CRACD: variants seen among roughly 807,000 people sequenced by gnomAD.
The protein encoded by CRACD is capping protein inhibiting regulator of actin dynamics.
CRACD carries 56 observed loss-of-function variants against 106.8 expected under a neutral mutation model. That is an observed-to-expected ratio of 0.52 (90% confidence interval 0.42 to 0.66). The LOEUF is 0.66. CRACD is among the 30% of genes least tolerant of loss of function. The pLI, the probability that CRACD is intolerant of heterozygous loss-of-function variation, is 0.00. For synonymous variants in CRACD, 754 were observed against 670.8 expected (o/e 1.12, Z -1.92); for missense variants, 1,730 against 1,623.2 (o/e 1.07, Z -1.13).
chr4:56,096,631 TA>T (rs34745267), intron 1 of CRACD, among the ~76,000 whole-genome samples: 70 of 146,210 alleles, frequency 4.8e-4, no homozygotes, highest in Admixed American at 5.5e-4. Flanking sequence ...GACCTTGTCT[TA>T]AAAAAAAAAA....
intron 2 of CRACD, among the ~76,000 whole-genome samples, chr4:56,220,378 C>G (rs1292711410): frequency 6.6e-6 from 1 of 152,208 alleles, no homozygotes; most frequent in Non-Finnish European, 1.5e-5. Context: ...GAACTTCACT[C>G]TGCTCACTAG....
At chr4:56,061,773 A>G (rs1487142374) in intron 1 of CRACD, among the ~76,000 whole-genome samples, 1 of 152,226 alleles carries the variant, frequency 6.6e-6, no homozygotes, top group African/African-American at 2.4e-5. Flanking sequence ...AGAGTAGCCC[A>G]GAGTGCTTTG....
At chr4:56,133,515 G>C (rs1192370288) in intron 1 of CRACD, among the ~76,000 whole-genome samples, 5 of 152,182 alleles carry the variant, frequency 3.3e-5, no homozygotes, top group Admixed American at 6.5e-5. Flanking sequence ...ATGTGTAAGA[G>C]AAAGTATTAC....
intron 1 of CRACD, among the ~76,000 whole-genome samples, chr4:56,149,171 A>G (rs748779613): frequency 6.6e-6 from 1 of 152,158 alleles, no homozygotes; most frequent in Non-Finnish European, 1.5e-5. Context: ...CATGGCAAGA[A>G]TGAAACAGTG....
At chr4:56,301,781 T>C (rs771419960) in intron 4 of CRACD, among the ~76,000 whole-genome samples, 3 of 151,990 alleles carry the variant, frequency 2.0e-5, no homozygotes. Context: ...TCCCCTTTCC[T>C]GAGTAATGTG....
intron 9 of CRACD, among the ~76,000 whole-genome samples, 186 bp from the exon 10 acceptor site, chr4:56,323,918 C>G (rs189354129): frequency 9.3e-4 from 142 of 152,374 alleles, no homozygotes; most frequent in Non-Finnish European, 1.3e-4. Context: ...GTTAGGCACA[C>G]TGGCTCTGAG....
intron 1 of CRACD, among the ~76,000 whole-genome samples, chr4:56,058,112 G>T (rs369344367): frequency 6.7e-6 from 1 of 150,226 alleles, no homozygotes; most frequent in Non-Finnish European, 1.5e-5. Flanking sequence ...ATGAGCCACC[G>T]TGCCAGGGGT....
At chr4:56,242,897 T>C (rs2109566212) in intron 2 of CRACD, among the ~76,000 whole-genome samples, 1 of 152,238 alleles carries the variant, frequency 6.6e-6, no homozygotes, top group African/African-American at 2.4e-5. Flanking sequence ...CACTTCACGG[T>C]GACTACGAGC....
rs1038113798 is a variant in CRACD at position 56,097,039 on chromosome 4, C to G, written c.-336+47740C>G. 7.2e-5 allele frequency among the ~76,000 whole-genome samples: 11 copies of G among 152,224 alleles called. 1 individual carries two copies. Among genetic ancestry groups the G allele is most frequent in the Admixed American group, 5.2e-4 (8 of 15,298 alleles). ...ATTGGGTAGAATTTCTGGAGCTGTGCCCTTGAATGGATAATAATGGATGAG... is the reference window on the plus strand; with the variant it reads ...ATTGGGTAGAATTTCTGGAGCTGTGGCCTTGAATGGATAATAATGGATGAG... On this transcript the variant is annotated intron_variant, in intron 1 of 10. Transcript: ENST00000682029.
At chr4:56,201,680 A>G (rs1737887596) in intron 2 of CRACD, among the ~76,000 whole-genome samples, 1 of 152,232 alleles carries the variant, frequency 6.6e-6, no homozygotes, top group African/African-American at 2.4e-5. Flanking sequence ...CCATGGAAAC[A>G]GTTTTGAAAA....
At chr4:56,178,367 G>A (rs1736673739) in intron 1 of CRACD, among the ~76,000 whole-genome samples, 1 of 152,116 alleles carries the variant, frequency 6.6e-6, no homozygotes, top group Non-Finnish European at 1.5e-5. Flanking sequence ...AAACCAGTGG[G>A]TGTCTCAAAA....
intron 2 of CRACD, among the ~76,000 whole-genome samples, chr4:56,203,522 G>GGTTC (rs1401913051): frequency 6.6e-6 from 1 of 152,116 alleles, no homozygotes; most frequent in Non-Finnish European, 1.5e-5. Flanking sequence ...AGCTTCTTGA[G>GGTTC]GTTCCTTCCT....
intron 5 of CRACD, 56 bp from the exon 6 acceptor site, chr4:56,310,610 T>C: frequency 8.0e-7 from 1 of 1,255,088 alleles, no homozygotes; most frequent in Middle Eastern, 1.9e-4. Flanking sequence ...TGTCTGGTTA[T>C]TTGCCCAGAA....
intron 2 of CRACD, among the ~76,000 whole-genome samples, chr4:56,240,226 A>T (rs140965326): frequency 2.0e-3 from 311 of 152,248 alleles, no homozygotes; most frequent in African/African-American, 6.9e-3. Context: ...AAGATCAAGG[A>T]GGACGTGGAC....
chr4:56,196,500 T>G (rs1737617839), intron 2 of CRACD: 1 of 152,888 alleles, frequency 6.5e-6, no homozygotes, highest in African/African-American at 2.4e-5. Flanking sequence ...TTCTTTTTAG[T>G]GTAGAAAAAT....
chr4:56,284,292 TAAAAAAAAA>T (rs59270238), intron 3 of CRACD, among the ~76,000 whole-genome samples: 6 of 45,484 alleles, frequency 1.3e-4, no homozygotes, highest in Admixed American at 1.2e-3. Context: ...CATCCTAAAG[TAAAAAAAAA>T]AAAAAAAAAA....
In CRACD at chr4:56,049,485, C is replaced by T. The variant is rs908582270; in HGVS notation, c.-336+186C>T. Among the ~76,000 whole-genome samples, 6 of 151,998 alleles carry T rather than the reference C, an allele frequency of 3.9e-5. No homozygotes were observed. In the South Asian group the frequency reaches 1.0e-3, roughly 26 times the overall value. Reference sequence around the variant, plus strand: ...CGGGGCGGTGTCCCCATGTGGGAGGCGCGGACCCTCCCGGAGGAACCTGCG... The same window carrying T: ...CGGGGCGGTGTCCCCATGTGGGAGGTGCGGACCCTCCCGGAGGAACCTGCG... On this transcript the variant is annotated intron_variant, in intron 1 of 10. Transcript: ENST00000682029.
At chr4:56,288,224 CTCT>C in intron 3 of CRACD, among the ~76,000 whole-genome samples, 1 of 152,200 alleles carries the variant, frequency 6.6e-6, no homozygotes, top group East Asian at 1.9e-4. Context: ...CCTCCTCCTG[CTCT>C]TCTTTTTTTA....
At chr4:56,285,653 C>G (rs1452218966) in intron 3 of CRACD, among the ~76,000 whole-genome samples, 1 of 152,012 alleles carries the variant, frequency 6.6e-6, no homozygotes, top group Non-Finnish European at 1.5e-5. Flanking sequence ...GTGTTGTTGC[C>G]TAGGCTGGTC....
Sources: gnomAD v4.1 joint callset for allele counts (sites outside exome capture counted in the v4.1 genomes callset) on GRCh38, gnomAD v4.1.1 for gene constraint, MANE v1.5 for transcripts, NCBI Gene and HGNC (gene_info 2026-07-23, HGNC 2026-07-21) for gene names.